The following SMYD2 variants were observed in gnomAD, a reference collection of about 807,000 sequenced individuals.
The protein encoded by SMYD2 is SET and MYND domain containing 2, also known as N-lysine methyltransferase SMYD2.
A neutral mutation model predicts 59.1 loss-of-function variants in SMYD2; 53 were observed. The observed-to-expected ratio is 0.90, with a 90% CI of 0.72 to 1.13. The LOEUF (loss-of-function observed/expected upper bound fraction) is 1.13. Among genes scored for constraint, SMYD2 ranks in the 50% most tolerant of loss-of-function variants. The pLI is 0.00. For missense variants in SMYD2, 494 were observed against 544.7 expected, an observed-to-expected ratio of 0.91 and a Z score of 0.93; for synonymous variants, 208 against 198.8, an observed-to-expected ratio of 1.05 and a Z score of -0.39.
intron 3 of SMYD2, among the ~76,000 whole-genome samples, chr1:214,316,868 G>C (rs893051986): frequency 6.6e-6 from 1 of 152,164 alleles, no homozygotes; most frequent in Non-Finnish European, 1.5e-5. Context: ...AATTTATGCA[G>C]AGTATTTGGG....
intron 6 of SMYD2, among the ~76,000 whole-genome samples, chr1:214,326,983 T>A (rs935014335): frequency 3.3e-5 from 5 of 152,376 alleles, no homozygotes; most frequent in Non-Finnish European, 5.9e-5. Context: ...ACTTTGACCT[T>A]CATATAATCA....
intron 11 of SMYD2, among the ~76,000 whole-genome samples, chr1:214,334,567 C>A (rs1412089828): frequency 6.6e-6 from 1 of 152,146 alleles, no homozygotes; most frequent in African/African-American, 2.4e-5. Flanking sequence ...GATCACAGGC[C>A]CAGCCTGTGC....
In SMYD2 at chr1:214,331,007, C is replaced by T. The variant is rs755932225; in HGVS notation, c.874C>T (p.Arg292Ter). 6 of 1,614,168 alleles carry T rather than the reference C, an allele frequency of 3.7e-6. No homozygotes were observed. The highest frequency in any genetic ancestry group is 1.1e-5 in the South Asian group (1 of 91,084). The change falls in exon 9 of 12, where the codon CGA becomes TGA. Residue 292 changes from arginine (R) to a stop codon, truncating the protein, a stop_gained. Coordinates refer to ENST00000366957, the MANE Select transcript of SMYD2 (RefSeq NM_020197.3). LOFTEE classifies it high-confidence loss of function. The stretch of plus-strand genomic sequence containing the variant: ...CGATCCCCCAAAGGCAGAAGCCATC[C>T]GAGACATGGTCAGATATGCACGCAA... Reference protein sequence around the residue: ...LSDPPKAEAIRDMVRYARNVI... With the variant: ...LSDPPKAEAI
At chr1:214,298,559 A>G (rs1327908313) in intron 1 of SMYD2, among the ~76,000 whole-genome samples, 1 of 152,208 alleles carries the variant, frequency 6.6e-6, no homozygotes, top group Non-Finnish European at 1.5e-5. Flanking sequence ...TAATTAAGCT[A>G]AAGAGCTTCT....
chr1:214,334,947 C>T (rs889758114), intron 11 of SMYD2, among the ~76,000 whole-genome samples: 2 of 152,230 alleles, frequency 1.3e-5, no homozygotes, highest in African/African-American at 4.8e-5. Flanking sequence ...GGAGCCAGAA[C>T]CCTGGGCAGC....
intron 9 of SMYD2, chr1:214,331,377 G>A: frequency 3.4e-6 from 1 of 293,610 alleles, no homozygotes; most frequent in Non-Finnish European, 6.6e-6. Flanking sequence ...AGGGCACAGT[G>A]CCAAGGGCCT....
At chr1:214,308,667 C>A (rs187101043) in intron 2 of SMYD2, among the ~76,000 whole-genome samples, 18 of 152,272 alleles carry the variant, frequency 1.2e-4, no homozygotes, top group Non-Finnish European at 2.9e-5. Context: ...GCCCTACCCC[C>A]CTGGAGTCAT....
At chr1:214,311,254 G>T (rs1656995147) in intron 2 of SMYD2, among the ~76,000 whole-genome samples, 1 of 152,318 alleles carries the variant, frequency 6.6e-6, no homozygotes, top group Non-Finnish European at 1.5e-5. Context: ...GTTTCAGAGC[G>T]CAGCCTGTGC....
chr1:214,324,693 C>T lies in SMYD2; in HGVS notation c.587C>T (p.Ser196Leu). 1 of 1,613,090 alleles carries T rather than the reference C, an allele frequency of 6.2e-7. No homozygotes were observed. The highest frequency in any genetic ancestry group is 8.5e-7 in the Non-Finnish European group (1 of 1,179,578). ...IEDEELSHLG[S>L]AIFPDVALMN... ...GATGAAGAACTTTCTCATTTGGGAT[C>T]AGCGATATTTCCTGAGTAGGCTGTG... is the stretch of plus-strand genomic sequence containing the variant. The change falls in exon 6 of 12, where the codon TCA becomes TTA. Residue 196 changes from serine to leucine, a missense_variant. Transcript: ENST00000366957.
At chr1:214,328,816 C>A (rs552442719) in intron 7 of SMYD2, among the ~76,000 whole-genome samples, 1 of 152,308 alleles carries the variant, frequency 6.6e-6, no homozygotes, top group Admixed American at 6.5e-5. Context: ...CCCCTTTCGG[C>A]TGGGGTGTCT....
intron 5 of SMYD2, among the ~76,000 whole-genome samples, chr1:214,321,280 A>G (rs1368090266): frequency 1.3e-5 from 2 of 152,238 alleles, no homozygotes; most frequent in African/African-American, 2.4e-5. Flanking sequence ...GCATACACAC[A>G]TACACGTAAC....
At chr1:214,300,419 C>T (rs1471633429) in intron 1 of SMYD2, among the ~76,000 whole-genome samples, 1 of 152,026 alleles carries the variant, frequency 6.6e-6, no homozygotes, top group Non-Finnish European at 1.5e-5. Flanking sequence ...AAATGGGTTC[C>T]TGGAGCACAA....
At chr1:214,289,321 C>T (rs1294191801) in intron 1 of SMYD2, among the ~76,000 whole-genome samples, 1 of 152,136 alleles carries the variant, frequency 6.6e-6, no homozygotes, top group Non-Finnish European at 1.5e-5. Context: ...AATATTCCCT[C>T]CTCTTTTCCC....
At chr1:214,302,863 ATGTTG>A (rs752131152) in intron 1 of SMYD2, among the ~76,000 whole-genome samples, 122 of 152,140 alleles carry the variant, frequency 8.0e-4, no homozygotes, top group Non-Finnish European at 1.3e-3. Flanking sequence ...CTTTTTTTGT[ATGTTG>A]TGGAGCTAAT....
In SMYD2 at chr1:214,327,784, A is replaced by G. The variant is rs1213743539; in HGVS notation, c.705+60A>G. 16 of 1,378,478 alleles carry G rather than the reference A, an allele frequency of 1.2e-5. No individual in the cohort carries two copies. In the Admixed American group the frequency reaches 1.7e-4, roughly 15 times the overall value. 85.4% of individuals were successfully genotyped at this position (1,378,478 alleles called of 1,614,324 possible). Reference sequence around the variant, plus strand: ...GCTTGAGACTGCTCTTTAAAAGGCAATGTGGACAGATCTGTGCAGTGTCAC... The same window carrying G: ...GCTTGAGACTGCTCTTTAAAAGGCAGTGTGGACAGATCTGTGCAGTGTCAC... On this transcript the variant is annotated intron_variant, in intron 7 of 11. Transcript: ENST00000366957.
intron 1 of SMYD2, among the ~76,000 whole-genome samples, chr1:214,299,244 TTC>T (rs1656781539): frequency 6.6e-6 from 1 of 152,174 alleles, no homozygotes; most frequent in Non-Finnish European, 1.5e-5. Context: ...TATAAATTAG[TTC>T]AGCCACTGTA....
chr1:214,288,406 A>G (rs962947247), intron 1 of SMYD2, among the ~76,000 whole-genome samples: 5 of 152,178 alleles, frequency 3.3e-5, no homozygotes, highest in African/African-American at 1.2e-4. Context: ...GCCGGACTCC[A>G]TGACCTTCAA....
chr1:214,334,265 T>C lies in SMYD2; in HGVS notation c.1178T>C (p.Met393Thr), dbSNP rs1198861343. The C allele has an allele frequency of 1.9e-6, 3 of 1,613,876 alleles. No homozygotes were observed. The highest frequency in any genetic ancestry group is 1.7e-6 in the Non-Finnish European group (2 of 1,180,038). Residue 393 changes from methionine (M) to threonine (T), a missense_variant, in exon 11 of 12, where the codon ATG becomes ACG. Met to Thr is a moderately conservative substitution (Grantham distance 81, BLOSUM62 -1). Coordinates refer to ENST00000366957, the MANE Select transcript of SMYD2 (RefSeq NM_020197.3). ...TGGTTGAAGCTAGGGAGACTCTACA[T>C]GGGCCTGGAACACAAAGCCGCAGGG... Reference protein sequence around the residue: ...SMWLKLGRLYMGLEHKAAGEK... With the variant: ...SMWLKLGRLYTGLEHKAAGEK...
At chr1:214,316,814 C>T (rs1287941782) in intron 3 of SMYD2, among the ~76,000 whole-genome samples, 1 of 152,104 alleles carries the variant, frequency 6.6e-6, no homozygotes, top group African/African-American at 2.4e-5. Flanking sequence ...AATTGTTTCC[C>T]TGCAGGAGGT....
Sources: gnomAD v4.1 joint callset for allele counts (sites outside exome capture counted in the v4.1 genomes callset) on GRCh38, gnomAD v4.1.1 for gene constraint, MANE v1.5 for transcripts, NCBI Gene and HGNC (gene_info 2026-07-23, HGNC 2026-07-21) for gene names.